NRG3: variants seen among roughly 807,000 people sequenced by gnomAD.
NRG3 encodes neuregulin 3, also known as pro-neuregulin-3, membrane-bound isoform.
In NRG3, 31 loss-of-function variants were observed where a neutral mutation model predicts 66.9. That is an observed-to-expected ratio of 0.46 (90% CI 0.35 to 0.63). NRG3 has a LOEUF of 0.63. Among genes scored for constraint, NRG3 ranks in the 20% least tolerant of loss-of-function variants. NRG3 has a pLI of 0.00. For missense variants in NRG3, 910 were observed against 878.9 expected, an observed-to-expected ratio of 1.04 and a Z score of -0.45; for synonymous variants, 393 against 359.4, an observed-to-expected ratio of 1.09 and a Z score of -1.06.
chr10:82,220,582 C>G (rs897045512), intron 1 of NRG3, among the ~76,000 whole-genome samples: 1 of 152,044 alleles, frequency 6.6e-6, no homozygotes, highest in Non-Finnish European at 1.5e-5. Flanking sequence ...ATCTGGAGGG[C>G]TTTTATTAGA....
intron 2 of NRG3, among the ~76,000 whole-genome samples, chr10:82,634,795 G>T (rs1241015845): frequency 2.0e-5 from 3 of 152,138 alleles, no homozygotes; most frequent in Admixed American, 6.5e-5. Flanking sequence ...TCCTCCATAT[G>T]CAGGTCAGAT....
At chr10:82,317,939 C>CGTT (rs2081374729) in intron 1 of NRG3, among the ~76,000 whole-genome samples, 1 of 150,200 alleles carries the variant, frequency 6.7e-6, no homozygotes, top group Admixed American at 6.6e-5. Flanking sequence ...AGTGAATCTA[C>CGTT]ATTTTTTTTT....
intron 1 of NRG3, among the ~76,000 whole-genome samples, chr10:81,961,138 G>A (rs1850319221): frequency 6.6e-6 from 1 of 152,080 alleles, no homozygotes; most frequent in Admixed American, 6.5e-5. Flanking sequence ...CTTGGGTTTG[G>A]AAATGTGGTG....
chr10:82,406,205 A>G (rs1461974509), intron 2 of NRG3, among the ~76,000 whole-genome samples: 2 of 152,190 alleles, frequency 1.3e-5, no homozygotes, highest in African/African-American at 4.8e-5. Context: ...TTCACATATG[A>G]AAGTATTAGG....
At chr10:82,791,639 A>G (rs1486508024) in intron 3 of NRG3, among the ~76,000 whole-genome samples, 2 of 152,174 alleles carry the variant, frequency 1.3e-5, no homozygotes, top group African/African-American at 2.4e-5. Context: ...GTTCATGCGT[A>G]TAACATTGTG....
intron 2 of NRG3, among the ~76,000 whole-genome samples, chr10:82,485,637 T>C (rs1842622998): frequency 6.6e-6 from 1 of 151,768 alleles, no homozygotes; most frequent in Admixed American, 6.6e-5. Flanking sequence ...GAGCACCAAA[T>C]TAAATATTGG....
At chr10:82,530,701 T>G (rs1847161298) in intron 2 of NRG3, among the ~76,000 whole-genome samples, 1 of 151,938 alleles carries the variant, frequency 6.6e-6, no homozygotes, top group Admixed American at 6.6e-5. Context: ...AAGGAAAGAC[T>G]GAATGAATTA....
chr10:82,952,093 G>A (rs904849028), intron 5 of NRG3, among the ~76,000 whole-genome samples: 27 of 152,274 alleles, frequency 1.8e-4, no homozygotes, highest in Middle Eastern at 3.4e-3. Context: ...AAGTTACCTT[G>A]CTGAGAAACT....
chr10:82,390,975 G>A (rs2086325225), intron 2 of NRG3, among the ~76,000 whole-genome samples: 1 of 152,144 alleles, frequency 6.6e-6, no homozygotes, highest in Non-Finnish European at 1.5e-5. Flanking sequence ...ATTGGGCCCT[G>A]GCTTCCGGAT....
intron 1 of NRG3, among the ~76,000 whole-genome samples, chr10:82,168,949 C>T (rs1429554448): frequency 6.6e-6 from 1 of 152,100 alleles, no homozygotes; most frequent in African/African-American, 2.4e-5. Flanking sequence ...TTTCTAGCAT[C>T]CAAAAGGTGT....
At chr10:82,561,472 C>G (rs561072250) in intron 2 of NRG3, among the ~76,000 whole-genome samples, 105 of 152,190 alleles carry the variant, frequency 6.9e-4, no homozygotes, top group Non-Finnish European at 1.1e-3. Flanking sequence ...AGTAACATGG[C>G]GAAACCTCGC....
chr10:82,384,908 A>T (rs1030429933), intron 2 of NRG3, among the ~76,000 whole-genome samples: 2 of 152,170 alleles, frequency 1.3e-5, no homozygotes, highest in Non-Finnish European at 2.9e-5. Context: ...GTGTAAAAAC[A>T]TTAATTTTTC....
intron 1 of NRG3, among the ~76,000 whole-genome samples, chr10:82,117,545 G>A (rs1241095227): frequency 6.6e-6 from 1 of 152,102 alleles, no homozygotes; most frequent in East Asian, 1.9e-4. Context: ...GTGTCTCTGT[G>A]TGTAGGAAGA....
chr10:82,285,962 G>C (rs1174811378), intron 1 of NRG3, among the ~76,000 whole-genome samples: 1 of 152,180 alleles, frequency 6.6e-6, no homozygotes, highest in Non-Finnish European at 1.5e-5. Context: ...CCCAAGAATT[G>C]TACAAATAAC....
chr10:82,173,177 C>T (rs1296473877), intron 1 of NRG3, among the ~76,000 whole-genome samples: 1 of 152,016 alleles, frequency 6.6e-6, no homozygotes, highest in Non-Finnish European at 1.5e-5. Flanking sequence ...GAAGTATTTG[C>T]ATCTGCACAT....
intron 1 of NRG3, among the ~76,000 whole-genome samples, chr10:82,141,064 G>A (rs1289011703): frequency 3.3e-5 from 5 of 152,048 alleles, no homozygotes; most frequent in African/African-American, 1.2e-4. Flanking sequence ...GGAACCAGTT[G>A]AAGGATGTTT....
chr10:82,375,789 G>A (rs547918159), intron 2 of NRG3, among the ~76,000 whole-genome samples: 8 of 152,022 alleles, frequency 5.3e-5, no homozygotes, highest in Non-Finnish European at 1.2e-4. Flanking sequence ...TAATTCCTAG[G>A]TCTCCTCGAA....
chr10:82,634,724 G>A (rs992097272), intron 2 of NRG3, among the ~76,000 whole-genome samples: 16 of 152,188 alleles, frequency 1.1e-4, no homozygotes, highest in African/African-American at 3.9e-4. Flanking sequence ...TAAGGAACCA[G>A]TAAGTGATTA....
At chr10:82,653,299 TA>T (rs2051575729) in intron 2 of NRG3, among the ~76,000 whole-genome samples, 1 of 151,702 alleles carries the variant, frequency 6.6e-6, no homozygotes, top group Admixed American at 6.6e-5. Context: ...GTGAAGTGAG[TA>T]GGTGATAAAT....
Sources: gnomAD v4.1 joint callset for allele counts (sites outside exome capture counted in the v4.1 genomes callset) on GRCh38, gnomAD v4.1.1 for gene constraint, MANE v1.5 for transcripts, NCBI Gene and HGNC (gene_info 2026-07-23, HGNC 2026-07-21) for gene names.